Variants in GOLM1 observed in about 807,000 individuals in gnomAD.
GOLM1 encodes the protein golgi membrane protein 1, also known as epididymis luminal protein 46.
In GOLM1, 31 loss-of-function variants were observed where a neutral mutation model predicts 50.5. That is an observed-to-expected ratio of 0.61 (90% CI 0.46 to 0.83). The LOEUF is 0.83. GOLM1 is among the 40% of genes least tolerant of loss of function. The probability of loss-of-function intolerance (pLI) is 0.00; values close to 1 mark genes in which losing one functional copy is unlikely to be tolerated. For synonymous variants in GOLM1, 178 were observed against 192.8 expected (o/e 0.92, Z 0.64); for missense variants, 491 against 501.3 (o/e 0.98, Z 0.20).
At chr9:86,091,477 C>T (rs1047766766) in intron 1 of GOLM1, among the ~76,000 whole-genome samples, 1 of 151,950 alleles carries the variant, frequency 6.6e-6, no homozygotes, top group Non-Finnish European at 1.5e-5. Context: ...TAGTGACAAG[C>T]CAGTTCTGCC....
At chr9:86,072,218 C>T (rs143578526) in intron 3 of GOLM1, among the ~76,000 whole-genome samples, 24 of 152,210 alleles carry the variant, frequency 1.6e-4, no homozygotes, top group East Asian at 1.2e-3. Flanking sequence ...AGAGAAGAGA[C>T]GGAGAAGGGG....
intron 3 of GOLM1, among the ~76,000 whole-genome samples, chr9:86,057,660 C>T (rs1834032287): frequency 6.6e-6 from 1 of 152,206 alleles, no homozygotes. Flanking sequence ...GTTCAGGGCT[C>T]CCGGCTGGAA....
At chr9:86,074,683 T>C (rs1247946306) in intron 3 of GOLM1, among the ~76,000 whole-genome samples, 2 of 152,154 alleles carry the variant, frequency 1.3e-5, no homozygotes, top group African/African-American at 4.8e-5. Flanking sequence ...AGCCCCAATC[T>C]CGTCAGACTG....
Position 86,030,122 on chromosome 9 carries a change from G to A in GOLM1, c.1130-2229C>T, listed in dbSNP as rs1394790269. Among the ~76,000 whole-genome samples the A allele has an allele frequency of 2.0e-5, 3 of 151,810 alleles. No homozygotes were observed. The East Asian group carries it at 5.8e-4, about 29-fold the overall frequency. Reference sequence around the variant, plus strand: ...GCTCCCAGCTACTCAGGAGGCTGAGGCAGGAGAATCACTTAAACCCAGGAG... The same window carrying A: ...GCTCCCAGCTACTCAGGAGGCTGAGACAGGAGAATCACTTAAACCCAGGAG... On this transcript the variant is annotated intron_variant, in intron 9 of 9. Transcript: ENST00000388712.
At chr9:86,070,882 G>A (rs774351730) in intron 3 of GOLM1, among the ~76,000 whole-genome samples, 5 of 152,192 alleles carry the variant, frequency 3.3e-5, no homozygotes, top group Non-Finnish European at 7.3e-5. Flanking sequence ...CTGCAGGCCA[G>A]GAAGTTGTAC....
At chr9:86,081,009 T>G (rs1011037122) in intron 1 of GOLM1, among the ~76,000 whole-genome samples, 6 of 152,052 alleles carry the variant, frequency 3.9e-5, no homozygotes, top group African/African-American at 1.4e-4. Context: ...CCTCAACCTC[T>G]CAAGTAGCTG....
chr9:86,096,107 A>G (rs574029847), intron 1 of GOLM1, among the ~76,000 whole-genome samples: 3 of 152,170 alleles, frequency 2.0e-5, no homozygotes, highest in African/African-American at 4.8e-5. Flanking sequence ...AAATATGTAA[A>G]ACCTTTTGTT....
chr9:86,026,290 A>T lies in GOLM1; in HGVS notation c.*1527T>A. ...AAGTGAGGCTGGAAGAGGACTTAGA[A>T]GAGTATGAAAGTACTCTAAGATTTT... On this transcript the variant is annotated 3_prime_UTR_variant, in exon 10 of 10. Transcript: ENST00000388712. 1.0e-6 allele frequency: 1 copy of T among 985,186 alleles called. No individual in the cohort carries two copies. Among genetic ancestry groups the T allele is most frequent in the Non-Finnish European group, 1.2e-6 (1 of 829,708 alleles). 61.0% of individuals were successfully genotyped at this position (985,186 alleles called of 1,614,324 possible). A position where few individuals can be genotyped will look rare whatever the true frequency, so the allele number is the denominator to read the frequency against.
In GOLM1 at chr9:86,027,299, A is replaced by AG; in HGVS notation, c.*517dup. On this transcript the variant is annotated 3_prime_UTR_variant, in exon 10 of 10. Coordinates refer to ENST00000388712, the MANE Select transcript of GOLM1 (RefSeq NM_016548.4). ...CGTTTGTGTTAACAGTCAGTGCTCTAGGCCATTGATTGATTGATTGTCAGA... is the reference window on the plus strand; with the variant it reads ...CGTTTGTGTTAACAGTCAGTGCTCTAGGGCCATTGATTGATTGATTGTCAGA... 1.0e-6 allele frequency: 1 copy of AG among 985,044 alleles called. No homozygotes were observed. The highest frequency in any genetic ancestry group is 1.2e-6 in the Non-Finnish European group (1 of 829,530). The allele number at this position is 985,044 out of a possible 1,614,324, so 61.0% of individuals were successfully genotyped here. A position where few individuals can be genotyped will look rare whatever the true frequency, so the allele number is the denominator to read the frequency against.
intron 3 of GOLM1, among the ~76,000 whole-genome samples, chr9:86,066,057 T>C (rs1206844492): frequency 6.6e-6 from 1 of 152,082 alleles, no homozygotes; most frequent in Non-Finnish European, 1.5e-5. Context: ...TAAATAAATA[T>C]GTTCATGTTA....
chr9:86,090,213 G>C (rs528800450), intron 1 of GOLM1, among the ~76,000 whole-genome samples: 1 of 152,278 alleles, frequency 6.6e-6, no homozygotes, highest in Admixed American at 6.5e-5. Context: ...CCAGTCAGGA[G>C]GCACAGGGGT....
chr9:86,033,262 G>A lies in GOLM1; in HGVS notation c.1129+20C>T, dbSNP rs376740767. 55 of 1,330,478 alleles carry A rather than the reference G, an allele frequency of 4.1e-5. No homozygotes were observed. Among genetic ancestry groups the A allele is most frequent in the Non-Finnish European group, 5.5e-5 (51 of 921,326 alleles). The allele number at this position is 1,330,478 out of a possible 1,614,324, so 82.4% of individuals were successfully genotyped here. ...AGAAATGAAAGGTGACCTCGTCACC[G>A]ATGTAGGCCCCATTCTTACCATCTA... On this transcript the variant is annotated intron_variant, in intron 9 of 9. Coordinates refer to ENST00000388712, the MANE Select transcript of GOLM1 (RefSeq NM_016548.4).
chr9:86,095,660 T>C (rs927977970), intron 1 of GOLM1, among the ~76,000 whole-genome samples: 3 of 152,182 alleles, frequency 2.0e-5, no homozygotes, highest in African/African-American at 7.2e-5. Context: ...TGGAAGATTA[T>C]GCGCGCGTGG....
intron 3 of GOLM1, among the ~76,000 whole-genome samples, chr9:86,067,301 A>C (rs1267594764): frequency 2.0e-5 from 3 of 152,246 alleles, no homozygotes; most frequent in Non-Finnish European, 4.4e-5. Flanking sequence ...TCCTTAGGAG[A>C]GAATGCACAC....
chr9:86,029,063 TAGCC>T (rs1182425044), intron 9 of GOLM1, among the ~76,000 whole-genome samples: 1 of 151,888 alleles, frequency 6.6e-6, no homozygotes, highest in African/African-American at 2.4e-5. Flanking sequence ...TTCACCCTGT[TAGCC>T]AGGATGATCT....
chr9:86,053,613 A>ACT (rs1833874676), intron 3 of GOLM1, among the ~76,000 whole-genome samples: 2 of 8,274 alleles, frequency 2.4e-4, no homozygotes, highest in Admixed American at 1.5e-3. Flanking sequence ...CACATCACAC[A>ACT]CCACACCAAA....
In GOLM1 at chr9:86,026,563, C is replaced by T. The variant is rs1306348684; in HGVS notation, c.*1254G>A. On this transcript the variant is annotated 3_prime_UTR_variant, in exon 10 of 10. Transcript: ENST00000388712. ...AAATAAGAGGGTTGGATCAAACGAT[C>T]TCTGGGGCCTTAGCATCTCAAATCC... 2.2e-6 allele frequency: 2 copies of T among 914,006 alleles called. No individual in the cohort carries two copies. The highest frequency in any genetic ancestry group is 6.2e-5 in the Admixed American group (1 of 16,186). 56.6% of individuals were successfully genotyped at this position (914,006 alleles called of 1,614,324 possible).
At position 86,027,537 on chromosome 9, in the gene GOLM1, AAGG is replaced by A; in HGVS notation, c.*277_*279del. 5 of 1,226,764 alleles carry A rather than the reference AAGG, an allele frequency of 4.1e-6. No individual in the cohort carries two copies. Among genetic ancestry groups the A allele is most frequent in the Non-Finnish European group, 4.1e-6 (4 of 981,460 alleles). The allele number at this position is 1,226,764 out of a possible 1,614,324, so 76.0% of individuals were successfully genotyped here. A position where few individuals can be genotyped will look rare whatever the true frequency, so the allele number is the denominator to read the frequency against. On this transcript the variant is annotated 3_prime_UTR_variant, in exon 10 of 10. Transcript: ENST00000388712. The stretch of plus-strand genomic sequence containing the variant: ...GAAGCCCCGCTGTCGCCAACACTTG[AAGG>A]AGAACTATGTTCCAGTTTTGGTGTT...
intron 8 of GOLM1, among the ~76,000 whole-genome samples, chr9:86,034,511 GT>G (rs2118636616): frequency 6.6e-6 from 1 of 152,310 alleles, no homozygotes; most frequent in East Asian, 1.9e-4. Context: ...GAGCGAGCCA[GT>G]GAGATCTCCC....
Sources: gnomAD v4.1 joint callset for allele counts (sites outside exome capture counted in the v4.1 genomes callset) on GRCh38, gnomAD v4.1.1 for gene constraint, MANE v1.5 for transcripts, NCBI Gene and HGNC (gene_info 2026-07-23, HGNC 2026-07-21) for gene names.